The following TP63 variants were observed in gnomAD, a reference collection of about 807,000 sequenced individuals.
The protein encoded by TP63 is tumor protein p63, also known as tumor protein 63.
TP63 carries 17 observed loss-of-function variants against 82.8 expected under a neutral mutation model. The observed-to-expected ratio is 0.21, with a 90% CI of 0.14 to 0.31. TP63 has a LOEUF of 0.31. Ranked by LOEUF, TP63 falls within the 10% of genes least tolerant of loss-of-function variation. The pLI is 1.00. For synonymous variants in TP63, 330 were observed against 321.7 expected (o/e 1.03, Z -0.28); for missense variants, 648 against 895.3 (o/e 0.72, Z 3.52).
intron 11 of TP63, among the ~76,000 whole-genome samples, chr3:189,886,778 A>G (rs1720490345): frequency 6.6e-6 from 1 of 152,194 alleles, no homozygotes; most frequent in African/African-American, 2.4e-5. Context: ...TCTTTAGTGT[A>G]GGGATAAGGA....
chr3:189,724,831 G>A (rs1719652079), intron 1 of TP63, among the ~76,000 whole-genome samples: 1 of 152,174 alleles, frequency 6.6e-6, no homozygotes, highest in Admixed American at 6.6e-5. Flanking sequence ...CCGGGAACGG[G>A]GCAATCAGCT....
intron 2 of TP63, among the ~76,000 whole-genome samples, chr3:189,738,209 A>C (rs1720734476): frequency 6.6e-6 from 1 of 152,234 alleles, no homozygotes; most frequent in Non-Finnish European, 1.5e-5. Context: ...GAGAAGATAA[A>C]ACACTAAATT....
At chr3:189,638,430 C>T (rs1414298021) in intron 1 of TP63, among the ~76,000 whole-genome samples, 1 of 151,942 alleles carries the variant, frequency 6.6e-6, no homozygotes, top group African/African-American at 2.4e-5. Context: ...ACAAGCTAGC[C>T]CGGGGACTGC....
the TP63 span, among the ~76,000 whole-genome samples, chr3:189,626,316 A>G: frequency 1.3e-5 from 2 of 152,170 alleles, no homozygotes; most frequent in Non-Finnish European, 2.9e-5. Flanking sequence ...ATTAAAAATC[A>G]CCAAACTCAG....
intron 4 of TP63, among the ~76,000 whole-genome samples, chr3:189,852,490 T>C (rs899131732): frequency 1.3e-5 from 2 of 152,266 alleles, no homozygotes; most frequent in Admixed American, 1.3e-4. Flanking sequence ...TGGTCTGTTT[T>C]GGTACTTCCA....
At chr3:189,815,730 A>G (rs1728114703) in intron 4 of TP63, among the ~76,000 whole-genome samples, 1 of 152,136 alleles carries the variant, frequency 6.6e-6, no homozygotes, top group Non-Finnish European at 1.5e-5. Flanking sequence ...GTTTAAATAA[A>G]TTAATTGGAA....
At chr3:189,889,630 G>A (rs1175248967) in intron 12 of TP63, 146 bp downstream of exon 12, 1 of 1,130,872 alleles carries the variant, frequency 8.8e-7, no homozygotes, top group African/African-American at 1.5e-5. Flanking sequence ...TCTGATCTGT[G>A]GAGTGGTCAA....
At chr3:189,719,176 G>C (rs534892485) in intron 1 of TP63, among the ~76,000 whole-genome samples, 1 of 152,282 alleles carries the variant, frequency 6.6e-6, no homozygotes, top group African/African-American at 2.4e-5. Flanking sequence ...GGTGTTCTCG[G>C]TTTGGTAAAA....
the TP63 span, among the ~76,000 whole-genome samples, chr3:189,604,329 C>T: frequency 6.6e-6 from 1 of 152,290 alleles, no homozygotes; most frequent in East Asian, 1.9e-4. Flanking sequence ...TCATTAAATT[C>T]TACCTACTAT....
intron 1 of TP63, among the ~76,000 whole-genome samples, chr3:189,653,826 C>A (rs1713096802): frequency 6.6e-6 from 1 of 152,116 alleles, no homozygotes; most frequent in South Asian, 2.1e-4. Context: ...AGGTGCTTGT[C>A]TAGTTTTCCA....
chr3:189,609,155 A>G, the TP63 span, among the ~76,000 whole-genome samples: 582 of 152,274 alleles, frequency 3.8e-3, 3 homozygotes, highest in Non-Finnish European at 5.8e-3. Context: ...TCACTTGAGT[A>G]TAATTTTTTA....
At chr3:189,743,090 C>G (rs1721118066) in intron 3 of TP63, among the ~76,000 whole-genome samples, 1 of 151,950 alleles carries the variant, frequency 6.6e-6, no homozygotes, top group Non-Finnish European at 1.5e-5. Flanking sequence ...TAATTCATAA[C>G]AAAAGCTTAA....
intron 1 of TP63, among the ~76,000 whole-genome samples, chr3:189,683,515 A>C (rs538936795): frequency 2.0e-5 from 3 of 152,352 alleles, no homozygotes; most frequent in African/African-American, 7.2e-5. Context: ...AGTTGCTAAA[A>C]TACAAGATGC....
chr3:189,878,990 A>T (rs1719600019), intron 10 of TP63, among the ~76,000 whole-genome samples: 2 of 151,936 alleles, frequency 1.3e-5, no homozygotes, highest in Admixed American at 1.3e-4. Context: ...TTATCTCTGA[A>T]TTGGTAATGA....
intron 1 of TP63, among the ~76,000 whole-genome samples, chr3:189,679,803 A>T (rs993936068): frequency 6.6e-6 from 1 of 152,176 alleles, no homozygotes; most frequent in East Asian, 1.9e-4. Context: ...TATATTTGGC[A>T]TAAAATAAGT....
intron 3 of TP63, among the ~76,000 whole-genome samples, chr3:189,752,805 T>C (rs1235063529): frequency 6.6e-6 from 1 of 152,164 alleles, no homozygotes; most frequent in African/African-American, 2.4e-5. Flanking sequence ...AGTTTTCTAT[T>C]AGACACTGCT....
intron 3 of TP63, among the ~76,000 whole-genome samples, chr3:189,756,333 A>T (rs1411608411): frequency 1.3e-5 from 2 of 152,186 alleles, no homozygotes; most frequent in African/African-American, 4.8e-5. Flanking sequence ...CTTATAGGGT[A>T]GCTCAATATT....
intron 3 of TP63, among the ~76,000 whole-genome samples, chr3:189,782,389 A>G (rs996054256): frequency 6.6e-6 from 1 of 152,168 alleles, no homozygotes; most frequent in African/African-American, 2.4e-5. Flanking sequence ...GTCTATGACC[A>G]TTTGCCATGG....
At chr3:189,622,318 A>G in the TP63 span, among the ~76,000 whole-genome samples, 410 of 152,322 alleles carry the variant, frequency 2.7e-3, 2 homozygotes, top group Middle Eastern at 0.01. Context: ...GACTGCGCAC[A>G]AATGTATTAT....
Sources: gnomAD v4.1 joint callset for allele counts (sites outside exome capture counted in the v4.1 genomes callset) on GRCh38, gnomAD v4.1.1 for gene constraint, MANE v1.5 for transcripts, NCBI Gene and HGNC (gene_info 2026-07-23, HGNC 2026-07-21) for gene names.